Variants in CENPN observed in about 807,000 individuals in gnomAD.
CENPN encodes centromere protein N, also known as interphase centromere complex protein 32.
In CENPN, 36 loss-of-function variants were observed where a neutral mutation model predicts 48.6. That is an observed-to-expected ratio of 0.74 (90% CI 0.57 to 0.98). The LOEUF (loss-of-function observed/expected upper bound fraction) is 0.98, where lower values mean the gene tolerates loss of function less well. CENPN is among the 50% of genes least tolerant of loss of function. The pLI is 0.00. For missense variants in CENPN, 439 were observed against 399.2 expected (o/e 1.10, Z -0.85); for synonymous variants, 166 against 135.2 (o/e 1.23, Z -1.58).
rs752403628 is a variant in CENPN, at chr16:81,028,688, T to G, written c.*37T>G. 1.9e-6 allele frequency: 3 copies of G among 1,595,770 alleles called. No homozygotes were observed. The highest frequency in any genetic ancestry group is 2.7e-5 in the African/African-American group (2 of 73,288). ...TTTCTTAAGCACAGCTCCTCCTTCT[T>G]GATATTGCACATGCACTTCAGTTCA... On this transcript the variant is annotated 3_prime_UTR_variant, in exon 11 of 11. Coordinates refer to ENST00000305850, the MANE Select transcript of CENPN (RefSeq NM_001100624.3).
downstream of CENPN, among the ~76,000 whole-genome samples, chr16:81,032,063 T>G (rs1032331743): frequency 6.6e-6 from 1 of 152,140 alleles, no homozygotes; most frequent in African/African-American, 2.4e-5. Flanking sequence ...AGAAATACAC[T>G]TGAGAGTCAA....
rs984306976 is a variant in CENPN, at chr16:81,015,655, C to G, written c.217+1474C>G. On this transcript the variant is annotated intron_variant, in intron 3 of 10. Coordinates refer to ENST00000305850, the MANE Select transcript of CENPN (RefSeq NM_001100624.3). ...CTCATTTTCAGTGGTTGGATTCTCTCAAGCATAAAAGGTGGATCCACACCA... is the reference window on the plus strand; with the variant it reads ...CTCATTTTCAGTGGTTGGATTCTCTGAAGCATAAAAGGTGGATCCACACCA... Among the ~76,000 whole-genome samples, 12 of 152,176 alleles carry G rather than the reference C, an allele frequency of 7.9e-5. No homozygotes were observed. The South Asian group carries it at 1.0e-3, about 13-fold the overall frequency.
chr16:81,032,689 T>C (rs1473329654), downstream of CENPN: 3 of 1,602,468 alleles, frequency 1.9e-6, no homozygotes, highest in East Asian at 6.7e-5. Flanking sequence ...GTATCCAAGA[T>C]GTTAAAATCA....
chr16:81,008,606 A>G (rs1969593516), intron 1 of CENPN, among the ~76,000 whole-genome samples: 1 of 152,128 alleles, frequency 6.6e-6, no homozygotes, highest in Non-Finnish European at 1.5e-5. Context: ...GACTGACCTC[A>G]AGTGATACAC....
rs1321211426 is a variant in CENPN at position 81,019,887 on chromosome 16, AAAG to A, written c.355-210_355-208del. On this transcript the variant is annotated intron_variant, in intron 5 of 10. Coordinates refer to ENST00000305850, the MANE Select transcript of CENPN (RefSeq NM_001100624.3). ...GCAAGACCTAGTCTCAAAAAAAAAA[AAAG>A]AACTGAAAAGGATTTTTTTTTTTTA... Among the ~76,000 whole-genome samples, 4 of 151,372 alleles carry A rather than the reference AAAG, an allele frequency of 2.6e-5. No individual in the cohort carries two copies. In the East Asian group the frequency reaches 5.8e-4, roughly 22 times the overall value.
At chr16:81,021,505 C>T (rs569417898) in intron 6 of CENPN, among the ~76,000 whole-genome samples, 26 of 152,202 alleles carry the variant, frequency 1.7e-4, no homozygotes, top group African/African-American at 6.3e-4. Context: ...GGTGGAGGTG[C>T]GGTGTGGAGT....
intron 8 of CENPN, among the ~76,000 whole-genome samples, chr16:81,025,728 A>C (rs529602670): frequency 7.9e-6 from 1 of 125,868 alleles, no homozygotes; most frequent in Non-Finnish European, 1.6e-5. Context: ...TTTAAGACAG[A>C]GTCTCACTCT....
At chr16:81,024,818 A>G (rs1223768695) in intron 8 of CENPN, 40 bp downstream of exon 8, 2 of 1,275,834 alleles carry the variant, frequency 1.6e-6, no homozygotes, top group South Asian at 1.3e-5. Context: ...TTGGAAATGC[A>G]TCATTCCCTT....
intron 8 of CENPN, among the ~76,000 whole-genome samples, chr16:81,025,462 CTT>C (rs1209699061): frequency 6.6e-6 from 1 of 152,154 alleles, no homozygotes; most frequent in Non-Finnish European, 1.5e-5. Context: ...AAACTAAACA[CTT>C]TTATGATTTT....
chr16:81,025,315 C>T (rs965643173), intron 8 of CENPN, among the ~76,000 whole-genome samples: 3 of 152,018 alleles, frequency 2.0e-5, no homozygotes, highest in African/African-American at 7.2e-5. Flanking sequence ...CACTAGAAAA[C>T]CCAAGAGAAA....
chr16:81,023,137 G>C (rs1597101828), intron 7 of CENPN: 1 of 347,182 alleles, frequency 2.9e-6, no homozygotes, highest in East Asian at 7.1e-5. Context: ...AAGTTCATTT[G>C]TTAAAATAAT....
intron 3 of CENPN, among the ~76,000 whole-genome samples, chr16:81,015,408 T>C (rs916769219): frequency 6.6e-6 from 1 of 152,248 alleles, no homozygotes; most frequent in African/African-American, 2.4e-5. Context: ...ATTTGACCAA[T>C]CTGTATAATA....
Position 81,029,218 on chromosome 16 carries a change from G to A in CENPN, c.*567G>A. ...AGTTATATAAAATAGTGTTCTTATT[G>A]TAAATATGATACTTCTCATAATCTA... On this transcript the variant is annotated 3_prime_UTR_variant, in exon 11 of 11. Coordinates refer to ENST00000305850, the MANE Select transcript of CENPN (RefSeq NM_001100624.3). 1.1e-6 allele frequency: 1 copy of A among 924,226 alleles called. No individual in the cohort carries two copies. The highest frequency in any genetic ancestry group is 1.8e-5 in the African/African-American group (1 of 56,128). 57.3% of individuals were successfully genotyped at this position (924,226 alleles called of 1,614,324 possible).
rs1048711192 is a variant in CENPN at position 81,029,606 on chromosome 16, C to G, written c.*955C>G. ...GTTTTTTGTTTTTTGAGACAAGTCT[C>G]CTTCTATCGCCCAGGCTGGAGTGCA... is the stretch of plus-strand genomic sequence containing the variant. On this transcript the variant is annotated 3_prime_UTR_variant, in exon 11 of 11. Transcript: ENST00000305850. Among the ~76,000 whole-genome samples the G allele has an allele frequency of 2.6e-5, 4 of 152,048 alleles. No individual in the cohort carries two copies. The highest frequency in any genetic ancestry group is 3.9e-4 in the East Asian group (2 of 5,180).
Position 81,017,371 on chromosome 16 carries a change from T to G in CENPN, c.263T>G (p.Met88Arg). Reference sequence around the variant, plus strand: ...CAGAAAGTTTGGGAAGTTTTTCAGATGAGTAAAGGACCAGGTAATATTTTC... The same window carrying G: ...CAGAAAGTTTGGGAAGTTTTTCAGAGGAGTAAAGGACCAGGTAATATTTTC... ...QHQKVWEVFQMSKGPGEDVDL... is the reference protein window; with the variant it reads ...QHQKVWEVFQRSKGPGEDVDL... The change falls in exon 4 of 11, where the codon ATG becomes AGG. Residue 88 changes from methionine (M) to arginine (R), a missense_variant. By Grantham distance (91) the Met-to-Arg change is moderately conservative. Transcript: ENST00000305850. 1 of 1,590,860 alleles carries G rather than the reference T, an allele frequency of 6.3e-7. No individual in the cohort carries two copies. Among genetic ancestry groups the G allele is most frequent in the Non-Finnish European group, 8.6e-7 (1 of 1,159,402 alleles).
In CENPN at chr16:81,011,995, A is replaced by G. The variant is rs770443404; in HGVS notation, c.56A>G (p.Asn19Ser). 1.9e-6 allele frequency: 3 copies of G among 1,614,162 alleles called. No homozygotes were observed. The highest frequency in any genetic ancestry group is 2.2e-5 in the East Asian group (1 of 44,876). The change falls in exon 2 of 11, where the codon AAT becomes AGT. Residue 19 changes from asparagine to serine, a missense_variant. By Grantham distance (46) the Asn-to-Ser change is conservative. Coordinates refer to ENST00000305850, the MANE Select transcript of CENPN (RefSeq NM_001100624.3). ...IKRTILKIPM[N>S]ELTTILKAWD... is the part of the protein sequence containing the mutation. ...AGGACCATCTTGAAAATCCCCATGAATGAACTGACAACAATCCTGAAGGCC... is the reference window on the plus strand; with the variant it reads ...AGGACCATCTTGAAAATCCCCATGAGTGAACTGACAACAATCCTGAAGGCC...
At chr16:81,011,387 T>C (rs1969734195) in intron 1 of CENPN, among the ~76,000 whole-genome samples, 1 of 152,232 alleles carries the variant, frequency 6.6e-6, no homozygotes, top group Non-Finnish European at 1.5e-5. Flanking sequence ...CTAGAATGGA[T>C]GTGCCATACT....
rs369047839 is a variant in CENPN, at chr16:81,026,003, G to A, written c.698-523G>A. On this transcript the variant is annotated intron_variant, in intron 8 of 10. Coordinates refer to ENST00000305850, the MANE Select transcript of CENPN (RefSeq NM_001100624.3). ...CAGGTGTGAGCCACCGTGCCCAGCC[G>A]AGACCCCATCTCTTAAAAAAAATAC... is the stretch of plus-strand genomic sequence containing the variant. Among the ~76,000 whole-genome samples, 320 of 150,098 alleles carry A rather than the reference G, an allele frequency of 2.1e-3. 2 individuals are homozygous for A. Among genetic ancestry groups the A allele is most frequent in the African/African-American group, 6.5e-3 (264 of 40,818 alleles).
At position 81,028,807 on chromosome 16, in the gene CENPN, T is replaced by G. The variant is rs1177745941; in HGVS notation, c.*156T>G. 1 of 1,412,644 alleles carries G rather than the reference T, an allele frequency of 7.1e-7. No homozygotes were observed. The highest frequency in any genetic ancestry group is 9.2e-7 in the Non-Finnish European group (1 of 1,088,530). 87.5% of individuals were successfully genotyped at this position (1,412,644 alleles called of 1,614,324 possible). On this transcript the variant is annotated 3_prime_UTR_variant, in exon 11 of 11. Coordinates refer to ENST00000305850, the MANE Select transcript of CENPN (RefSeq NM_001100624.3). Reference sequence around the variant, plus strand: ...ATGCTCACATAATTGTTGGGACTGATTCATTCCTCCACGATATGCCTCCTC... The same window carrying G: ...ATGCTCACATAATTGTTGGGACTGAGTCATTCCTCCACGATATGCCTCCTC...
Sources: gnomAD v4.1 joint callset for allele counts (sites outside exome capture counted in the v4.1 genomes callset) on GRCh38, gnomAD v4.1.1 for gene constraint, MANE v1.5 for transcripts, NCBI Gene and HGNC (gene_info 2026-07-23, HGNC 2026-07-21) for gene names.